BMI1: variants seen among roughly 807,000 people sequenced by gnomAD.
BMI1 encodes BMI1 proto-oncogene, polycomb ring finger.
Under a neutral mutation model 39.1 loss-of-function variants are expected in BMI1, and 9 were observed. That is an observed-to-expected ratio of 0.23 (90% CI 0.14 to 0.40). BMI1 has a LOEUF of 0.40. Among genes scored for constraint, BMI1 ranks in the 10% least tolerant of loss-of-function variants. BMI1 has a pLI of 1.00. For synonymous variants in BMI1, 131 were observed against 127.9 expected (o/e 1.02, Z -0.16); for missense variants, 252 against 390.8 (o/e 0.64, Z 2.99).
At chr10:22,325,856 AGG>A in intron 1 of BMI1, 1 of 152,124 alleles carries the variant, frequency 6.6e-6, no homozygotes. Context: ...GCCCCGGCCC[AGG>A]CCGACTGGAG....
intron 1 of BMI1, among the ~76,000 whole-genome samples, chr10:22,321,939 GGCGCCGGGACCGACCCGCAGCCC>G (rs1272134832): frequency 6.9e-6 from 1 of 144,690 alleles, no homozygotes; most frequent in Non-Finnish European, 1.5e-5. Context: ...CGACTCCCGC[GGCGCCGGGACCGACCCGCAGCCC>G]GCGCCGCGCC....
rs113216619 is a variant in BMI1 at position 22,325,175 on chromosome 10, C to T, written c.-19-1256C>T. Among the ~76,000 whole-genome samples the T allele has an allele frequency of 1.4e-3, 211 of 152,332 alleles. 4 individuals carry two copies. Among genetic ancestry groups the T allele is most frequent in the African/African-American group, 4.6e-3 (190 of 41,570 alleles). On this transcript the variant is annotated intron_variant, in intron 1 of 9. Transcript: ENST00000376663. ...AGCCTTTCCAAAACTTTGTATCGCTCATTTAATCTACAGGAGAGCGTCACA... is the reference window on the plus strand; with the variant it reads ...AGCCTTTCCAAAACTTTGTATCGCTTATTTAATCTACAGGAGAGCGTCACA...
Position 22,330,197 on chromosome 10 carries a change from G to A in BMI1, c.*655G>A, listed in dbSNP as rs1836254096. The A allele has an allele frequency of 6.5e-6, 1 of 152,850 alleles. No homozygotes were observed. Among genetic ancestry groups the A allele is most frequent in the Non-Finnish European group, 1.5e-5 (1 of 68,214 alleles). 9.5% of individuals were successfully genotyped at this position (152,850 alleles called of 1,614,324 possible). A position where few individuals can be genotyped will look rare whatever the true frequency, so the allele number is the denominator to read the frequency against. On this transcript the variant is annotated 3_prime_UTR_variant, in exon 10 of 10. Coordinates refer to ENST00000376663, the MANE Select transcript of BMI1 (RefSeq NM_005180.9). ...TGACTTGTTTAAATGATTCGCTTTT[G>A]TAAGAATCAGATGGCATTATGCTTG...
rs78924366 is a variant in BMI1 at position 22,322,675 on chromosome 10, A to G, written c.-20+979A>G. Among the ~76,000 whole-genome samples the G allele has an allele frequency of 6.8e-3, 1,037 of 152,210 alleles. 6 individuals are homozygous for G. The highest frequency in any genetic ancestry group is 0.024 in the African/African-American group (977 of 41,510). On this transcript the variant is annotated intron_variant, in intron 1 of 9. Coordinates refer to ENST00000376663, the MANE Select transcript of BMI1 (RefSeq NM_005180.9). ...CTTTTTTCCCCTTTTGGAGACTGCA[A>G]CTTTTCTCTCGACTTCTACTAAAGG...
Position 22,327,589 on chromosome 10 carries a change from T to C in BMI1, c.210-6T>C, listed in dbSNP as rs752495933. The C allele has an allele frequency of 1.0e-5, 16 of 1,593,654 alleles. No homozygotes were observed. In the African/African-American group the frequency reaches 1.6e-4, roughly 16 times the overall value. On this transcript the variant is annotated splice_region_variant and splice_polypyrimidine_tract_variant and intron_variant, in intron 3 of 9. Coordinates refer to ENST00000376663, the MANE Select transcript of BMI1 (RefSeq NM_005180.9). Reference sequence around the variant, plus strand: ...TTCATAGTTTTCTATTTTAATTATTTTTCAGGTCAGATAAAACTCTCCAAG... The same window carrying C: ...TTCATAGTTTTCTATTTTAATTATTCTTCAGGTCAGATAAAACTCTCCAAG...
intron 3 of BMI1, among the ~76,000 whole-genome samples, 164 bp downstream of exon 3, chr10:22,327,150 G>A (rs1353330360): frequency 6.6e-6 from 1 of 152,152 alleles, no homozygotes; most frequent in East Asian, 1.9e-4. Context: ...CATATTAATG[G>A]TGACCAAGTT....
Position 22,329,286 on chromosome 10 carries a change from G to A in BMI1, c.725G>A (p.Gly242Glu), listed in dbSNP as rs1201320002. ...KRMKISHQRD[G>E]LTNAGELESD... ...ATGAAGATCAGTCACCAGAGAGATG[G>A]ACTGACAAATGCTGGAGAACTGGAA... Residue 242 changes from glycine (G) to glutamate (E), a missense_variant, in exon 10 of 10, where the codon GGA becomes GAA. By Grantham distance (98) the Gly-to-Glu change is moderately conservative. Around this residue, in one of 4 missense-constraint regions of BMI1, gnomAD observed 96 missense variants for 120.2 expected, o/e 0.80. Coordinates refer to ENST00000376663, the MANE Select transcript of BMI1 (RefSeq NM_005180.9). 2 of 1,614,172 alleles carry A rather than the reference G, an allele frequency of 1.2e-6. No individual in the cohort carries two copies. Among genetic ancestry groups the A allele is most frequent in the South Asian group, 1.1e-5 (1 of 91,084 alleles).
chr10:22,328,990 C>A, intron 8 of BMI1, 58 bp from the exon 9 acceptor site: 1 of 1,490,766 alleles, frequency 6.7e-7, no homozygotes, highest in Admixed American at 2.1e-5. Flanking sequence ...ATTTAAATGA[C>A]AAAAAATGTA....
intron 5 of BMI1, 38 bp from the exon 6 acceptor site, chr10:22,327,912 C>A: frequency 6.3e-7 from 1 of 1,581,592 alleles, no homozygotes; most frequent in Non-Finnish European, 8.5e-7. Context: ...TATTAGGCAT[C>A]TGATTTTTAA....
chr10:22,329,530 T>A lies in BMI1; in HGVS notation c.969T>A (p.Thr323=). 6.2e-7 allele frequency: 1 copy of A among 1,613,744 alleles called. No homozygotes were observed. Among genetic ancestry groups the A allele is most frequent in the Non-Finnish European group, 8.5e-7 (1 of 1,179,700 alleles). ...RKSSVNGSSA[T]SSG Reference sequence around the variant, plus strand: ...CATCAGTAAATGGGTCATCAGCAACTTCTTCTGGTTGATACCTGAGACTGT... The same window carrying A: ...CATCAGTAAATGGGTCATCAGCAACATCTTCTGGTTGATACCTGAGACTGT... Residue 323 remains threonine (T), a synonymous_variant, in exon 10 of 10, where the codon ACT becomes ACA. Transcript: ENST00000376663.
At chr10:22,326,305 C>A (rs1836149358) in intron 1 of BMI1, 126 bp from the exon 2 acceptor site, 2 of 1,322,064 alleles carry the variant, frequency 1.5e-6, no homozygotes, top group Non-Finnish European at 2.0e-6. Flanking sequence ...TCTGTAGAAA[C>A]GTTAGGACAG....
At chr10:22,328,462 C>CA (rs1564350973) in intron 7 of BMI1, 138 bp from the exon 8 acceptor site, 3 of 831,832 alleles carry the variant, frequency 3.6e-6, no homozygotes, top group African/African-American at 1.8e-5. Context: ...ATAGTAAACT[C>CA]AGAGTGTAAT....
At chr10:22,328,248 G>A in intron 7 of BMI1, 69 bp downstream of exon 7, 2 of 1,522,600 alleles carry the variant, frequency 1.3e-6, no homozygotes, top group South Asian at 1.3e-5. Context: ...CAGGGATTGT[G>A]TTGCCCTTTA....
At chr10:22,326,716 T>TA in intron 2 of BMI1, 155 bp downstream of exon 2, 1 of 1,331,798 alleles carries the variant, frequency 7.5e-7, no homozygotes, top group South Asian at 1.5e-5. Flanking sequence ...TTTTTGTTAA[T>TA]ATGTATTGAT....
rs1836240445 is a variant in BMI1, at chr10:22,329,608, C to T, written c.*66C>T. 6.6e-6 allele frequency: 10 copies of T among 1,524,610 alleles called. No individual in the cohort carries two copies. The South Asian group carries it at 8.9e-5, about 14-fold the overall frequency. The allele number at this position is 1,524,610 out of a possible 1,614,324, so 94.4% of individuals were successfully genotyped here. ...TTATATAGATATCTTCATGCCATTA[C>T]AGCTTTCTAGATGCTAATACATGTG... On this transcript the variant is annotated 3_prime_UTR_variant, in exon 10 of 10. Coordinates refer to ENST00000376663, the MANE Select transcript of BMI1 (RefSeq NM_005180.9).
intron 1 of BMI1, among the ~76,000 whole-genome samples, chr10:22,321,944 C>T (rs925423441): frequency 2.8e-4 from 40 of 144,916 alleles, no homozygotes; most frequent in African/African-American, 9.6e-4. Flanking sequence ...CCCGCGGCGC[C>T]GGGACCGACC....
intron 7 of BMI1, 80 bp downstream of exon 7, chr10:22,328,259 G>A: frequency 6.8e-7 from 1 of 1,480,244 alleles, no homozygotes; most frequent in Non-Finnish European, 9.1e-7. Context: ...TTGCCCTTTA[G>A]AATATTAGGC....
rs1191722643 is a variant in BMI1 at position 22,328,650 on chromosome 10, C to T, written c.522C>T (p.His174=). ...GCCCAGCAGCAATGACTGTGATGCA[C>T]TTAAGAAAGTTTCTCAGAAGTAAAA... ...LRCPAAMTVM[H]LRKFLRSKMD... is the part of the protein sequence containing the mutation. The change falls in exon 8 of 10, where the codon CAC becomes CAT. Residue 174 remains histidine, a synonymous_variant. Coordinates refer to ENST00000376663, the MANE Select transcript of BMI1 (RefSeq NM_005180.9). 2 of 1,607,380 alleles carry T rather than the reference C, an allele frequency of 1.2e-6. No individual in the cohort carries two copies. The highest frequency in any genetic ancestry group is 2.2e-5 in the South Asian group (2 of 89,890).
intron 1 of BMI1, chr10:22,322,127 C>G (rs897490905): frequency 1.3e-5 from 2 of 152,008 alleles, no homozygotes; most frequent in African/African-American, 4.8e-5. Flanking sequence ...ACTGGTATTT[C>G]CAGCCTCGGC....
Sources: allele counts gnomAD v4.1 joint callset (sites outside exome capture counted in the v4.1 genomes callset), GRCh38; gene constraint gnomAD v4.1.1; regional missense constraint gnomAD v4.1.1; transcripts MANE v1.5; gene names NCBI Gene and HGNC (gene_info 2026-07-23, HGNC 2026-07-21).